WDR19: variants seen among roughly 807,000 people sequenced by gnomAD.
WDR19 encodes WD repeat-containing protein 19.
WDR19 carries 121 observed loss-of-function variants against 180.0 expected under a neutral mutation model. The ratio of observed to expected loss-of-function variants is 0.67; its 90% confidence interval spans 0.58 to 0.78. The LOEUF is 0.78. Among genes scored for constraint, WDR19 ranks in the 30% least tolerant of loss-of-function variants. WDR19 has a pLI of 0.00. For synonymous variants in WDR19, 497 were observed against 540.7 expected (o/e 0.92, Z 1.12); for missense variants, 1,450 against 1,640.7 (o/e 0.88, Z 2.01).
rs542956774 is a variant in WDR19, at chr4:39,282,472, G to A, written c.*14-3015G>A. 1.7e-3 allele frequency among the ~76,000 whole-genome samples: 263 copies of A among 152,072 alleles called. 1 individual carries two copies. The highest frequency in any genetic ancestry group is 6.1e-3 in the African/African-American group (251 of 41,480). ...GAGTGCAATGATGCAATCTCAGCTC[G>A]CTGCAACCTCTGCCTCCCGGGTTCA... On this transcript the variant is annotated intron_variant, in intron 36 of 36. Coordinates refer to ENST00000399820, the MANE Select transcript of WDR19 (RefSeq NM_025132.4).
Position 39,185,726 on chromosome 4 carries a change from C to T in WDR19, c.7C>T (p.Arg3Cys), listed in dbSNP as rs1725441648. MK[R>C]IFSLLEKTWL... The stretch of plus-strand genomic sequence containing the variant: ...ATTAAAAATTGTGTTTATTTTTTAG[C>T]GTATTTTCTCACTGCTAGAAAAGAC... Residue 3 changes from arginine (R) to cysteine (C), a missense_variant and splice_region_variant, in exon 2 of 37, where the codon CGT (arginine) becomes TGT (cysteine). Coordinates refer to ENST00000399820, the MANE Select transcript of WDR19 (RefSeq NM_025132.4). 5.2e-6 allele frequency: 8 copies of T among 1,552,810 alleles called. No homozygotes were observed. The highest frequency in any genetic ancestry group is 6.1e-6 in the Non-Finnish European group (7 of 1,147,490).
chr4:39,186,639 A>G, intron 3 of WDR19, 35 bp downstream of exon 3: 1 of 1,401,292 alleles, frequency 7.1e-7, no homozygotes, highest in Non-Finnish European at 9.7e-7. Flanking sequence ...AAACCTGTCA[A>G]GTTTTGTTGC....
intron 5 of WDR19, among the ~76,000 whole-genome samples, chr4:39,194,954 CGAGGAATAG>C (rs1726568786): frequency 6.6e-6 from 1 of 152,112 alleles, no homozygotes. Context: ...TACCTCTGGA[CGAGGAATAG>C]CTCATACACA....
chr4:39,253,370 T>C (rs1359336947), intron 25 of WDR19, 78 bp downstream of exon 25: 7 of 1,413,658 alleles, frequency 5.0e-6, no homozygotes, highest in Non-Finnish European at 6.7e-6. Context: ...TCATCAAATA[T>C]ATTAATTCAA....
chr4:39,247,300 T>C (rs1026579240), intron 24 of WDR19, among the ~76,000 whole-genome samples: 1 of 152,176 alleles, frequency 6.6e-6, no homozygotes, highest in African/African-American at 2.4e-5. Flanking sequence ...GGGTCCTGAC[T>C]GTTAGAAGGA....
intron 36 of WDR19, among the ~76,000 whole-genome samples, chr4:39,280,121 T>G (rs1736339329): frequency 2.4e-4 from 2 of 8,324 alleles, no homozygotes; most frequent in African/African-American, 6.8e-4. Context: ...CTTTTCTTGT[T>G]TTTTTTTTTT....
At chr4:39,240,955 CAAAAA>C (rs34831969) in intron 21 of WDR19, among the ~76,000 whole-genome samples, 1 of 115,776 alleles carries the variant, frequency 8.6e-6, no homozygotes, top group African/African-American at 3.7e-5. Flanking sequence ...GACTCCATCT[CAAAAA>C]AAAAAAAAAA....
chr4:39,205,683 C>T lies in WDR19; in HGVS notation c.837C>T (p.Thr279=). Residue 279 remains threonine, a synonymous_variant, in exon 9 of 37, where the codon ACC becomes ACT. Transcript: ENST00000399820. The part of the protein sequence containing the change: ...FQARNHKDNL[T]SIAVSQTLNK... ...CTCGTAACCATAAAGATAATCTAAC[C>T]AGCATTGCAGTATCACAGACTCTTA... is the stretch of plus-strand genomic sequence containing the variant. 2.2e-5 allele frequency: 35 copies of T among 1,610,982 alleles called. No individual in the cohort carries two copies. Among genetic ancestry groups the T allele is most frequent in the Non-Finnish European group, 2.9e-5 (34 of 1,178,392 alleles).
chr4:39,248,806 A>C (rs568185437), intron 24 of WDR19, among the ~76,000 whole-genome samples: 1 of 152,242 alleles, frequency 6.6e-6, no homozygotes, highest in African/African-American at 2.4e-5. Flanking sequence ...AGAACTAACT[A>C]TCCTAAATAT....
At chr4:39,273,161 T>G (rs971014241) in intron 32 of WDR19, 100 bp downstream of exon 32, 16 of 877,378 alleles carry the variant, frequency 1.8e-5, no homozygotes, top group Non-Finnish European at 2.6e-5. Context: ...ACTAACTCGT[T>G]TAATTCTCAC....
chr4:39,262,783 A>G (rs2109471282), intron 28 of WDR19, among the ~76,000 whole-genome samples: 1 of 152,194 alleles, frequency 6.6e-6, no homozygotes, highest in Middle Eastern at 3.4e-3. Flanking sequence ...AAGGTCCGGA[A>G]CCCATCTCTT....
At chr4:39,265,153 A>G (rs1734666489) in intron 28 of WDR19, among the ~76,000 whole-genome samples, 1 of 151,806 alleles carries the variant, frequency 6.6e-6, no homozygotes, top group African/African-American at 2.4e-5. Context: ...TCCTGGCCTC[A>G]AGTGATCCAC....
chr4:39,267,238 T>C (rs1342292890), intron 29 of WDR19, among the ~76,000 whole-genome samples: 1 of 152,200 alleles, frequency 6.6e-6, no homozygotes, highest in Non-Finnish European at 1.5e-5. Context: ...CTTTGCTTTA[T>C]GTTCAAGGAG....
chr4:39,212,161 A>C (rs1011527937), intron 9 of WDR19, among the ~76,000 whole-genome samples: 19 of 152,338 alleles, frequency 1.2e-4, no homozygotes, highest in African/African-American at 4.6e-4. Context: ...AGAATAGAGA[A>C]GACAGAAATA....
rs758716599 is a variant in WDR19, at chr4:39,216,133, A to G, written c.1172A>G (p.Asn391Ser). The G allele has an allele frequency of 2.7e-5, 43 of 1,594,298 alleles. No homozygotes were observed. In the African/African-American group the frequency reaches 3.1e-4, roughly 11 times the overall value. Reference sequence around the variant, plus strand: ...ACAGTTTCTGTTGATGTGGAACCCAACTTTGTGGCAGTAGGTCTTTATCAT... The same window carrying G: ...ACAGTTTCTGTTGATGTGGAACCCAGCTTTGTGGCAGTAGGTCTTTATCAT... The part of the protein sequence containing the change: ...PITVSVDVEP[N>S]FVAVGLYHLA... Residue 391 changes from asparagine to serine, a missense_variant, in exon 12 of 37, where the codon AAC becomes AGC. Transcript: ENST00000399820.
rs770193086 is a variant in WDR19 at position 39,278,514 on chromosome 4, C to T, written c.3918-25C>T. 19 of 1,565,208 alleles carry T rather than the reference C, an allele frequency of 1.2e-5. No individual in the cohort carries two copies. The South Asian group carries it at 2.2e-4, about 18-fold the overall frequency. The stretch of plus-strand genomic sequence containing the variant: ...AAAGGAATGTTATATATTTAATTTA[C>T]TCTGCCTTTCCCTCCCCTAAACAGC... On this transcript the variant is annotated intron_variant, in intron 35 of 36. Transcript: ENST00000399820.
intron 4 of WDR19, among the ~76,000 whole-genome samples, chr4:39,190,389 G>A (rs1195572148): frequency 6.6e-6 from 1 of 152,202 alleles, no homozygotes; most frequent in Non-Finnish European, 1.5e-5. Context: ...ATAAATGACA[G>A]ATATCTGCTA....
chr4:39,197,629 A>G (rs1224463948), intron 5 of WDR19, among the ~76,000 whole-genome samples: 1 of 151,948 alleles, frequency 6.6e-6, no homozygotes, highest in East Asian at 1.9e-4. Flanking sequence ...AGAAATACCC[A>G]TAGTGTCAAG....
chr4:39,211,630 A>G (rs1194545615), intron 9 of WDR19, among the ~76,000 whole-genome samples: 7 of 152,246 alleles, frequency 4.6e-5, no homozygotes, highest in Admixed American at 3.3e-4. Context: ...ATGAACATTA[A>G]CAATGAAAAC....
Sources: allele counts gnomAD v4.1 joint callset (sites outside exome capture counted in the v4.1 genomes callset), GRCh38; gene constraint gnomAD v4.1.1; transcripts MANE v1.5; gene names NCBI Gene and HGNC (gene_info 2026-07-23, HGNC 2026-07-21).